The following ARHGEF12 variants were observed in gnomAD, a reference collection of about 807,000 sequenced individuals.
The protein encoded by ARHGEF12 is Rho guanine nucleotide exchange factor 12.
In ARHGEF12, 66 loss-of-function variants were observed where a neutral mutation model predicts 211.2. The ratio of observed to expected loss-of-function variants is 0.31; its 90% CI spans 0.26 to 0.38. The LOEUF (loss-of-function observed/expected upper bound fraction) is 0.38. Ranked by LOEUF, ARHGEF12 falls within the 10% of genes least tolerant of loss-of-function variation. ARHGEF12 has a pLI of 1.00. For missense variants in ARHGEF12, 1,429 were observed against 1,869.5 expected (o/e 0.76, Z 4.34); for synonymous variants, 592 against 638.4 (o/e 0.93, Z 1.09).
At chr11:120,349,574 A>G (rs1398889571) in intron 1 of ARHGEF12, among the ~76,000 whole-genome samples, 1 of 152,142 alleles carries the variant, frequency 6.6e-6, no homozygotes, top group Non-Finnish European at 1.5e-5. Context: ...TTGTTCTGTT[A>G]CTAGCTGGGA....
chr11:120,433,719 GC>G (rs1169898624), intron 11 of ARHGEF12, among the ~76,000 whole-genome samples: 3 of 152,136 alleles, frequency 2.0e-5, no homozygotes, highest in Non-Finnish European at 4.4e-5. Flanking sequence ...ACTTTGGGAG[GC>G]CAAGGCAGGC....
In ARHGEF12 at chr11:120,336,923, C is replaced by G; in HGVS notation, c.-321C>G. On this transcript the variant is annotated 5_prime_UTR_variant, in exon 1 of 41. Transcript: ENST00000397843. ...CCAGCCCCGGCGGGAGTCCCGGGTC[C>G]CCTTCCCACTGCGCGCGGATTTCCC... 4.6e-6 allele frequency: 2 copies of G among 439,294 alleles called. No homozygotes were observed. Among genetic ancestry groups the G allele is most frequent in the East Asian group, 3.5e-5 (1 of 28,756 alleles). 27.2% of individuals were successfully genotyped at this position (439,294 alleles called of 1,614,324 possible).
At chr11:120,427,084 G>A (rs1331710149) in intron 7 of ARHGEF12, among the ~76,000 whole-genome samples, 3 of 151,860 alleles carry the variant, frequency 2.0e-5, no homozygotes, top group Non-Finnish European at 4.4e-5. Context: ...CACCATGTTA[G>A]CAAGGCTGGT....
At chr11:120,375,689 C>T (rs1464551329) in intron 1 of ARHGEF12, among the ~76,000 whole-genome samples, 1 of 151,952 alleles carries the variant, frequency 6.6e-6, no homozygotes. Context: ...TTGTGTGGTA[C>T]ATTTGTTACT....
At chr11:120,449,392 A>G (rs1946137415) in intron 21 of ARHGEF12, 178 bp downstream of exon 21, 2 of 567,546 alleles carry the variant, frequency 3.5e-6, no homozygotes, top group Admixed American at 3.2e-5. Context: ...CTATGTTGCT[A>G]CATAATTGTC....
rs944853990 is a variant in ARHGEF12, at chr11:120,409,189, CTG to C, written c.143-203_143-202del. 7 of 522,680 alleles carry C rather than the reference CTG, an allele frequency of 1.3e-5. No individual in the cohort carries two copies. In the African/African-American group the frequency reaches 1.4e-4, roughly 10 times the overall value. 32.4% of individuals were successfully genotyped at this position (522,680 alleles called of 1,614,324 possible). On this transcript the variant is annotated intron_variant, in intron 3 of 40. Transcript: ENST00000397843. ...TTTGTTTGAACATATTTTTATTGCA[CTG>C]TCTTTTCTTCGATAAATCTTTAAAA...
Position 120,429,711 on chromosome 11 carries a change from G to A in ARHGEF12, c.664-1G>A. On this transcript the variant is annotated splice_acceptor_variant, in intron 9 of 40. Transcript: ENST00000397843. LOFTEE classifies it high-confidence loss of function. ...CTGAAAATATTTTTATAACTTTTCA[G>A]TTATTGCAGGAAGATTACAACCGAA... is the stretch of plus-strand genomic sequence containing the variant. 1 of 1,608,712 alleles carries A rather than the reference G, an allele frequency of 6.2e-7. No homozygotes were observed. The highest frequency in any genetic ancestry group is 8.5e-7 in the Non-Finnish European group (1 of 1,178,656).
chr11:120,459,168 G>T lies in ARHGEF12; in HGVS notation c.2381-6G>T. On this transcript the variant is annotated splice_region_variant and splice_polypyrimidine_tract_variant and intron_variant, in intron 25 of 40. Transcript: ENST00000397843. ...AGGCAACATTTCATATCTCTTTCCTGTTCAGAATTGTTCTACACTGAAAGA... is the reference window on the plus strand; with the variant it reads ...AGGCAACATTTCATATCTCTTTCCTTTTCAGAATTGTTCTACACTGAAAGA... 6.2e-7 allele frequency: 1 copy of T among 1,603,342 alleles called. No individual in the cohort carries two copies. The highest frequency in any genetic ancestry group is 1.7e-4 in the Middle Eastern group (1 of 6,016).
chr11:120,431,692 A>G (rs1280079260), intron 10 of ARHGEF12, 79 bp from the exon 11 acceptor site: 19 of 1,411,446 alleles, frequency 1.3e-5, no homozygotes, highest in Admixed American at 5.4e-5. Flanking sequence ...TTGTAGTACC[A>G]CTATTTCTTT....
chr11:120,406,064 C>T (rs956689265), intron 1 of ARHGEF12, 54 bp from the exon 2 acceptor site: 1 of 1,367,580 alleles, frequency 7.3e-7, no homozygotes. Flanking sequence ...AATTTAGTAA[C>T]AAAATCTTAC....
In ARHGEF12 at chr11:120,447,835, C is replaced by G. The variant is rs940778756; in HGVS notation, c.1590-39C>G. 4 of 1,404,606 alleles carry G rather than the reference C, an allele frequency of 2.8e-6. No homozygotes were observed. In the African/African-American group the frequency reaches 5.9e-5, roughly 21 times the overall value. The allele number at this position is 1,404,606 out of a possible 1,614,324, so 87.0% of individuals were successfully genotyped here. On this transcript the variant is annotated intron_variant, in intron 18 of 40. Transcript: ENST00000397843. ...TGTCTCAAAAAAATTAATTAAACTT[C>G]CATATTTCATTTTTAAATTTTTTTT... is the stretch of plus-strand genomic sequence containing the variant.
chr11:120,450,933 C>G (rs567655125), intron 21 of ARHGEF12: 1 of 152,576 alleles, frequency 6.6e-6, no homozygotes, highest in South Asian at 2.1e-4. Context: ...TCCCTACATC[C>G]TCCTCTTCCT....
intron 1 of ARHGEF12, among the ~76,000 whole-genome samples, chr11:120,390,410 A>C (rs966081553): frequency 3.3e-5 from 5 of 152,160 alleles, no homozygotes; most frequent in African/African-American, 1.2e-4. Flanking sequence ...TTGAACACAT[A>C]TTTATTGAAG....
intron 27 of ARHGEF12, among the ~76,000 whole-genome samples, chr11:120,462,349 G>C (rs1237399533): frequency 6.6e-6 from 1 of 152,114 alleles, no homozygotes; most frequent in East Asian, 1.9e-4. Context: ...ACCATATGTG[G>C]GTGCAGTTCA....
At chr11:120,377,922 T>C (rs1039890243) in intron 1 of ARHGEF12, among the ~76,000 whole-genome samples, 2 of 152,092 alleles carry the variant, frequency 1.3e-5, no homozygotes, top group African/African-American at 4.8e-5. Flanking sequence ...ATATTAACTT[T>C]TAAAAAATTC....
chr11:120,467,433 C>CTT (rs370225155), intron 29 of ARHGEF12, 125 bp downstream of exon 29: 3,050 of 300,224 alleles, frequency 0.01, 2 homozygotes, highest in South Asian at 0.015. Flanking sequence ...ACAAGATTTT[C>CTT]TTTTTTTTTT....
At chr11:120,337,739 G>C in intron 1 of ARHGEF12, 1 of 985,404 alleles carries the variant, frequency 1.0e-6, no homozygotes, top group South Asian at 4.7e-5. Flanking sequence ...GGTGATCTGG[G>C]AACTTGATCT....
chr11:120,399,334 A>AAAAAAAAAAAAAAAAAAAAAAAAAAG (rs1944486026), intron 1 of ARHGEF12, among the ~76,000 whole-genome samples: 1 of 140,968 alleles, frequency 7.1e-6, no homozygotes, highest in African/African-American at 2.8e-5. Context: ...AAAAAAAAAA[A>AAAAAAAAAAAAAAAAAAAAAAAAAAG]AAAAAAAAAA....
intron 12 of ARHGEF12, chr11:120,439,902 T>C (rs1444566103): frequency 2.3e-5 from 11 of 472,962 alleles, no homozygotes; most frequent in Non-Finnish European, 3.7e-5. Context: ...AGTGGTTTTT[T>C]CCCCCCAAAA....
Sources: allele counts gnomAD v4.1 joint callset (sites outside exome capture counted in the v4.1 genomes callset), GRCh38; gene constraint gnomAD v4.1.1; transcripts MANE v1.5; gene names NCBI Gene and HGNC (gene_info 2026-07-23, HGNC 2026-07-21).